KCNMA1: variants seen among roughly 807,000 people sequenced by gnomAD.
KCNMA1 encodes the protein potassium calcium-activated channel subfamily M alpha 1.
Under a neutral mutation model 140.0 loss-of-function variants are expected in KCNMA1, and 29 were observed. The observed-to-expected ratio is 0.21, with a 90% CI of 0.15 to 0.28. The LOEUF (loss-of-function observed/expected upper bound fraction) is 0.28. Ranked by LOEUF, KCNMA1 falls within the 10% of genes least tolerant of loss-of-function variation. The probability of loss-of-function intolerance (pLI) is 1.00; values close to 1 mark genes in which losing one functional copy is unlikely to be tolerated. For synonymous variants in KCNMA1, 612 were observed against 611.9 expected (o/e 1.00, Z 0.00); for missense variants, 880 against 1,602.2 (o/e 0.55, Z 7.70).
At chr10:77,400,546 G>T (rs1055281056) in intron 2 of KCNMA1, among the ~76,000 whole-genome samples, 2 of 152,216 alleles carry the variant, frequency 1.3e-5, no homozygotes, top group Non-Finnish European at 2.9e-5. Flanking sequence ...CTTCGACTGG[G>T]AAGTAATGAC....
intron 2 of KCNMA1, among the ~76,000 whole-genome samples, chr10:77,270,887 C>A (rs1444798397): frequency 1.3e-5 from 2 of 152,092 alleles, no homozygotes; most frequent in African/African-American, 2.4e-5. Flanking sequence ...TTTTGAATGT[C>A]CCAGTTAGCC....
In KCNMA1 at chr10:77,185,314, T is replaced by C. The variant is rs141667920; in HGVS notation, c.603-398A>G. 1.1e-3 allele frequency among the ~76,000 whole-genome samples: 167 copies of C among 152,234 alleles called. 2 individuals are homozygous for C. The East Asian group carries it at 0.014, about 13-fold the overall frequency. On this transcript the variant is annotated intron_variant, in intron 3 of 27. Transcript: ENST00000286628. ...TCTTTGAGAGGACACATACTAAAGC[T>C]AAAACACAGTTCCTCATGCCCTCCA...
In KCNMA1 at chr10:76,886,374, A is replaced by G; in HGVS notation, c.*892T>C. On this transcript the variant is annotated 3_prime_UTR_variant, in exon 28 of 28. Coordinates refer to ENST00000286628, the MANE Select transcript of KCNMA1 (RefSeq NM_001161352.2). ...AAAAGTCCCAGGAAGGCAGTTTTTA[A>G]TGACTTACATCTGATATTTATGATA... 1.0e-6 allele frequency: 1 copy of G among 985,150 alleles called. No individual in the cohort carries two copies. Among genetic ancestry groups the G allele is most frequent in the Non-Finnish European group, 1.2e-6 (1 of 829,656 alleles). 61.0% of individuals were successfully genotyped at this position (985,150 alleles called of 1,614,324 possible).
intron 5 of KCNMA1, among the ~76,000 whole-genome samples, chr10:77,131,128 G>A (rs1290805945): frequency 6.6e-6 from 1 of 152,140 alleles, no homozygotes; most frequent in African/African-American, 2.4e-5. Context: ...CACTTGAGGT[G>A]TTAAAATAGA....
In KCNMA1 at chr10:77,636,522, G is replaced by A. The variant is rs1399780796; in HGVS notation, c.378+743C>T. ...GGGACCCAAAGTGGGTGGCCTGGGG[G>A]CAAAGGAACAGAGGCCGAAGAACTT... is the stretch of plus-strand genomic sequence containing the variant. On this transcript the variant is annotated intron_variant, in intron 1 of 27. Coordinates refer to ENST00000286628, the MANE Select transcript of KCNMA1 (RefSeq NM_001161352.2). 13 of 1,536,080 alleles carry A rather than the reference G, an allele frequency of 8.5e-6. No individual in the cohort carries two copies. The South Asian group carries it at 1.2e-4, about 14-fold the overall frequency.
intron 20 of KCNMA1, among the ~76,000 whole-genome samples, chr10:76,963,012 G>A (rs944522182): frequency 6.6e-6 from 1 of 152,208 alleles, no homozygotes; most frequent in African/African-American, 2.4e-5. Context: ...AAAGGGCATT[G>A]TGATGTGAAG....
chr10:77,522,113 T>C (rs968330475), intron 1 of KCNMA1, among the ~76,000 whole-genome samples: 6 of 151,940 alleles, frequency 3.9e-5, no homozygotes, highest in African/African-American at 9.7e-5. Context: ...AGGCGGAGGT[T>C]GCAGTGAGCC....
chr10:77,068,920 C>G (rs2096071099), intron 14 of KCNMA1, among the ~76,000 whole-genome samples: 1 of 150,806 alleles, frequency 6.6e-6, no homozygotes, highest in African/African-American at 2.4e-5. Context: ...TGTGCAAAGA[C>G]AGCTAATCCT....
chr10:77,316,140 C>G (rs767890745), intron 2 of KCNMA1, among the ~76,000 whole-genome samples: 1 of 152,082 alleles, frequency 6.6e-6, no homozygotes, highest in African/African-American at 2.4e-5. Context: ...TTGACTGGAC[C>G]AAATTTTCCA....
At chr10:77,445,686 T>C (rs145284195) in intron 1 of KCNMA1, among the ~76,000 whole-genome samples, 64 of 152,284 alleles carry the variant, frequency 4.2e-4, no homozygotes, top group Non-Finnish European at 7.8e-4. Flanking sequence ...GCAGCCAGTG[T>C]ACTGGCTTCT....
rs181205221 is a variant in KCNMA1 at position 76,901,171 on chromosome 10, C to T, written c.3147+8795G>A. 8.0e-4 allele frequency: 122 copies of T among 152,156 alleles called. 3 individuals are homozygous for T. The highest frequency in any genetic ancestry group is 2.8e-3 in the African/African-American group (118 of 41,500). The allele number at this position is 152,156 out of a possible 1,614,324, so 9.4% of individuals were successfully genotyped here. A position where few individuals can be genotyped will look rare whatever the true frequency, so the allele number is the denominator to read the frequency against. On this transcript the variant is annotated intron_variant, in intron 25 of 27. Coordinates refer to ENST00000286628, the MANE Select transcript of KCNMA1 (RefSeq NM_001161352.2). ...AACTGAAAAGGGAAAAAATAACCAA[C>T]CTATAAAATGAGATAATTCTGTATT... is the stretch of plus-strand genomic sequence containing the variant.
At chr10:77,380,346 G>A (rs1005563664) in intron 2 of KCNMA1, among the ~76,000 whole-genome samples, 1 of 152,120 alleles carries the variant, frequency 6.6e-6, no homozygotes, top group African/African-American at 2.4e-5. Context: ...TCTTTAGGAA[G>A]CCCAGCCTGG....
At chr10:77,543,984 TGAA>T (rs2060804958) in intron 1 of KCNMA1, among the ~76,000 whole-genome samples, 1 of 152,222 alleles carries the variant, frequency 6.6e-6, no homozygotes, top group African/African-American at 2.4e-5. Flanking sequence ...TCCATTTCAA[TGAA>T]GACATATTTT....
intron 5 of KCNMA1, among the ~76,000 whole-genome samples, chr10:77,122,863 GTAAC>G (rs1157582858): frequency 2.0e-5 from 3 of 152,220 alleles, no homozygotes; most frequent in Non-Finnish European, 4.4e-5. Context: ...TACCGTTAAT[GTAAC>G]TAAGATCATT....
intron 2 of KCNMA1, among the ~76,000 whole-genome samples, chr10:77,261,846 C>T (rs537390153): frequency 6.6e-6 from 1 of 152,320 alleles, no homozygotes; most frequent in African/African-American, 2.4e-5. Flanking sequence ...AAAGTTCCAT[C>T]TGCTGGTGGA....
intron 17 of KCNMA1, among the ~76,000 whole-genome samples, chr10:77,014,398 C>A (rs773994965): frequency 6.6e-6 from 1 of 150,702 alleles, no homozygotes; most frequent in Non-Finnish European, 1.5e-5. Context: ...TGCACTCCAG[C>A]CTGGGAGCCT....
At chr10:76,949,843 A>G (rs2065588496) in intron 21 of KCNMA1, among the ~76,000 whole-genome samples, 1 of 152,178 alleles carries the variant, frequency 6.6e-6, no homozygotes, top group Non-Finnish European at 1.5e-5. Flanking sequence ...ATTTGACTTT[A>G]GAATTCTAGA....
At chr10:77,553,022 GC>G (rs2063235271) in intron 1 of KCNMA1, among the ~76,000 whole-genome samples, 1 of 146,758 alleles carries the variant, frequency 6.8e-6, no homozygotes, top group African/African-American at 2.5e-5. Context: ...GTACCCCAGA[GC>G]AAGACCCTGT....
chr10:77,027,935 AC>A, intron 15 of KCNMA1, 44 bp from the exon 16 acceptor site: 1 of 1,506,204 alleles, frequency 6.6e-7, no homozygotes, highest in Non-Finnish European at 9.2e-7. Flanking sequence ...CTTCTGAATG[AC>A]CAGAGCCACA....
Sources: gnomAD v4.1 joint callset for allele counts (sites outside exome capture counted in the v4.1 genomes callset) on GRCh38, gnomAD v4.1.1 for gene constraint, MANE v1.5 for transcripts, NCBI Gene and HGNC (gene_info 2026-07-23, HGNC 2026-07-21) for gene names.